Variants in SH3RF3 observed in about 807,000 individuals in gnomAD.
The protein encoded by SH3RF3 is SH3 domain containing ring finger 3, also known as E3 ubiquitin-protein ligase SH3RF3.
SH3RF3 carries 29 observed loss-of-function variants against 66.3 expected under a neutral mutation model. The ratio of observed to expected loss-of-function variants is 0.44; its 90% CI spans 0.33 to 0.60. The LOEUF is 0.60. SH3RF3 is among the 20% of genes least tolerant of loss of function. SH3RF3 has a pLI of 0.04. For synonymous variants in SH3RF3, 583 were observed against 532.0 expected (o/e 1.10, Z -1.32); for missense variants, 1,194 against 1,190.9 (o/e 1.00, Z -0.04).
chr2:109,166,359 C>T lies in SH3RF3; in HGVS notation c.573+36246C>T, dbSNP rs181822164. 7.4e-4 allele frequency among the ~76,000 whole-genome samples: 112 copies of T among 151,602 alleles called. 1 individual carries two copies. The highest frequency in any genetic ancestry group is 1.9e-4 in the East Asian group (1 of 5,144). On this transcript the variant is annotated intron_variant, in intron 1 of 9. Transcript: ENST00000309415. The stretch of plus-strand genomic sequence containing the variant: ...GAGTGTGGTGGTGTGTGCCTGTAGT[C>T]CCAGCTACTTGGGAGGCTGAGGCAG...
At position 109,257,299 on chromosome 2, in the gene SH3RF3, T is replaced by C. The variant is rs115597961; in HGVS notation, c.574-90375T>C. On this transcript the variant is annotated intron_variant, in intron 1 of 9. Coordinates refer to ENST00000309415, the MANE Select transcript of SH3RF3 (RefSeq NM_001099289.3). ...GTCAGCTGTTTCTGCTTTTAAGTGA[T>C]GTGGGCTTAAGGAAGAGGGAAGGAG... Among the ~76,000 whole-genome samples the C allele has an allele frequency of 7.3e-3, 1,095 of 150,586 alleles. 12 individuals carry two copies. The highest frequency in any genetic ancestry group is 0.026 in the African/African-American group (1,040 of 40,576).
intron 1 of SH3RF3, among the ~76,000 whole-genome samples, chr2:109,196,945 C>T (rs375975126): frequency 1.3e-5 from 2 of 152,320 alleles, no homozygotes; most frequent in South Asian, 2.1e-4. Flanking sequence ...GCTTCCCCTA[C>T]ACAGTGCGCC....
At chr2:109,212,395 A>C (rs1679007046) in intron 1 of SH3RF3, among the ~76,000 whole-genome samples, 1 of 152,232 alleles carries the variant, frequency 6.6e-6, no homozygotes, top group African/African-American at 2.4e-5. Flanking sequence ...ATAAATCCCA[A>C]CTTGGACAGT....
intron 1 of SH3RF3, among the ~76,000 whole-genome samples, chr2:109,144,915 G>A (rs922221836): frequency 3.9e-5 from 6 of 152,258 alleles, no homozygotes; most frequent in Admixed American, 6.5e-5. Flanking sequence ...CTGGGGCGGT[G>A]TGGACACTGC....
intron 1 of SH3RF3, among the ~76,000 whole-genome samples, chr2:109,220,369 T>C (rs10179797): frequency 0.42 from 64,416 of 152,040 alleles, 16,176 homozygotes; most frequent in East Asian, 0.8. Context: ...AATTAGGCAA[T>C]GATTTCTTGA....
intron 1 of SH3RF3, among the ~76,000 whole-genome samples, chr2:109,202,484 G>A (rs1040265943): frequency 3.9e-5 from 6 of 152,164 alleles, no homozygotes; most frequent in Non-Finnish European, 8.8e-5. Context: ...TGTCCCTGGG[G>A]CGCGTTCTTG....
intron 1 of SH3RF3, among the ~76,000 whole-genome samples, chr2:109,258,115 A>C (rs1680264329): frequency 6.6e-6 from 1 of 152,206 alleles, no homozygotes; most frequent in Non-Finnish European, 1.5e-5. Context: ...ACCGGCCCAG[A>C]CATTGGAAAC....
chr2:109,328,646 T>C (rs933466378), intron 1 of SH3RF3, among the ~76,000 whole-genome samples: 4 of 152,304 alleles, frequency 2.6e-5, no homozygotes, highest in Middle Eastern at 3.4e-3. Flanking sequence ...GGTACTGATA[T>C]AGGAAGGGAA....
chr2:109,417,181 AGATGCCTGG>A (rs1676748537), intron 4 of SH3RF3, among the ~76,000 whole-genome samples: 1 of 152,188 alleles, frequency 6.6e-6, no homozygotes, highest in South Asian at 2.1e-4. Context: ...TCCTCTGCGC[AGATGCCTGG>A]GGCTGGGAGG....
chr2:109,392,690 T>A (rs1431711793), intron 3 of SH3RF3, among the ~76,000 whole-genome samples: 1 of 151,870 alleles, frequency 6.6e-6, no homozygotes, highest in Non-Finnish European at 1.5e-5. Flanking sequence ...GGCTAATTTT[T>A]TTTTTCAGTA....
chr2:109,251,418 C>T (rs993224900), intron 1 of SH3RF3: 1 of 703,388 alleles, frequency 1.4e-6, no homozygotes, highest in Non-Finnish European at 2.7e-6. Context: ...ATGGAGTAGA[C>T]ACCATGAGCA....
intron 3 of SH3RF3, among the ~76,000 whole-genome samples, chr2:109,382,339 G>C (rs1205449649): frequency 6.6e-6 from 1 of 152,124 alleles, no homozygotes; most frequent in African/African-American, 2.4e-5. Flanking sequence ...CAGCCCAGGG[G>C]AGAGTCTGCT....
chr2:109,291,229 C>T (rs1681169992), intron 1 of SH3RF3, among the ~76,000 whole-genome samples: 1 of 151,828 alleles, frequency 6.6e-6, no homozygotes, highest in Non-Finnish European at 1.5e-5. Context: ...TGGAGAAATG[C>T]CAGAAAGCAA....
chr2:109,286,391 C>A (rs892048647), intron 1 of SH3RF3, among the ~76,000 whole-genome samples: 1 of 152,190 alleles, frequency 6.6e-6, no homozygotes, highest in Non-Finnish European at 1.5e-5. Flanking sequence ...CAAAGGCAAG[C>A]AGGAACCTGG....
At chr2:109,284,032 G>A (rs541073332) in intron 1 of SH3RF3, among the ~76,000 whole-genome samples, 1 of 152,272 alleles carries the variant, frequency 6.6e-6, no homozygotes, top group Admixed American at 6.5e-5. Flanking sequence ...GGGGAGGGTG[G>A]CATTGGGCTG....
chr2:109,339,699 C>G (rs948637554), intron 1 of SH3RF3, among the ~76,000 whole-genome samples: 2 of 152,206 alleles, frequency 1.3e-5, no homozygotes, highest in African/African-American at 4.8e-5. Flanking sequence ...AAGTACTCCT[C>G]TAAGTACCCA....
intron 1 of SH3RF3, among the ~76,000 whole-genome samples, chr2:109,160,551 A>T (rs1220695815): frequency 2.0e-5 from 3 of 152,188 alleles, no homozygotes; most frequent in African/African-American, 7.2e-5. Context: ...TCTCTGGCTT[A>T]ATCTCATCTG....
chr2:109,407,115 T>A (rs1013531029), intron 4 of SH3RF3, among the ~76,000 whole-genome samples: 4 of 152,218 alleles, frequency 2.6e-5, no homozygotes, highest in Non-Finnish European at 5.9e-5. Context: ...CAGGGGCTCT[T>A]GCTGGGTCCA....
At chr2:109,441,996 TA>T (rs1677577891) in intron 7 of SH3RF3, among the ~76,000 whole-genome samples, 1 of 144,774 alleles carries the variant, frequency 6.9e-6, no homozygotes, top group African/African-American at 2.9e-5. Context: ...ATAGTAAAAC[TA>T]AAAGATTTTG....
Sources: allele counts gnomAD v4.1 joint callset (sites outside exome capture counted in the v4.1 genomes callset), GRCh38; gene constraint gnomAD v4.1.1; transcripts MANE v1.5; gene names NCBI Gene and HGNC (gene_info 2026-07-23, HGNC 2026-07-21).